NEDD4L: variants seen among roughly 807,000 people sequenced by gnomAD.
NEDD4L encodes the protein NEDD4 like E3 ubiquitin protein ligase, also known as E3 ubiquitin-protein ligase NEDD4-like.
NEDD4L carries 54 observed loss-of-function variants against 148.9 expected under a neutral mutation model. The observed-to-expected ratio is 0.36, with a 90% CI of 0.29 to 0.45. The LOEUF (loss-of-function observed/expected upper bound fraction) is 0.45, where lower values mean the gene tolerates loss of function less well. NEDD4L is among the 20% of genes least tolerant of loss of function. The pLI is 1.00. For synonymous variants in NEDD4L, 433 were observed against 440.7 expected, an observed-to-expected ratio of 0.98 and a Z score of 0.22; for missense variants, 856 against 1,233.8, an observed-to-expected ratio of 0.69 and a Z score of 4.59.
chr18:58,180,463 C>G (rs996312384), intron 2 of NEDD4L, among the ~76,000 whole-genome samples: 1 of 152,204 alleles, frequency 6.6e-6, no homozygotes, highest in Non-Finnish European at 1.5e-5. Context: ...CCCACATCGG[C>G]CCAGGGGCGT....
At chr18:58,214,639 GTGTGTTT>G (rs1818268594) in intron 2 of NEDD4L, among the ~76,000 whole-genome samples, 1 of 135,494 alleles carries the variant, frequency 7.4e-6, no homozygotes, top group African/African-American at 2.6e-5. Context: ...GTGTGTGTGT[GTGTGTTT>G]TGTTGTTGTT....
Position 58,082,121 on chromosome 18 carries a change from T to C in NEDD4L, c.48+37413T>C, listed in dbSNP as rs1429105450. Among the ~76,000 whole-genome samples the C allele has an allele frequency of 4.4e-5, 6 of 137,570 alleles. No homozygotes were observed. In the South Asian group the frequency reaches 1.6e-3, roughly 36 times the overall value. The allele number at this position is 137,570 out of a possible 152,430, so 90.3% of individuals were successfully genotyped here. On this transcript the variant is annotated intron_variant, in intron 1 of 30. Coordinates refer to ENST00000400345, the MANE Select transcript of NEDD4L (RefSeq NM_001144967.3). ...ATATATATTTTTTTTTTTTTTTTTT[T>C]CTTGAGATGGAGTCTTGCTCTTGTC...
Position 58,396,212 on chromosome 18 carries a change from A to C in NEDD4L, c.2871A>C (p.Leu957Phe), listed in dbSNP as rs1235646670. 6.2e-7 allele frequency: 1 copy of C among 1,613,724 alleles called. No homozygotes were observed. The highest frequency in any genetic ancestry group is 1.1e-5 in the South Asian group (1 of 90,990). ...CTCCATATGAAACCTTTGAAGATTT[A>C]CGAGAGAAACTTCTCATGGCCGTGG... ...DLPPYETFED[L>F]REKLLMAVEN... The change falls in exon 31 of 31, where the codon TTA becomes TTC. Residue 957 changes from leucine to phenylalanine, a missense_variant. Around this residue, in one of 4 missense-constraint regions of NEDD4L, gnomAD observed 286 missense variants for 531.8 expected, o/e 0.54. Coordinates refer to ENST00000400345, the MANE Select transcript of NEDD4L (RefSeq NM_001144967.3).
intron 19 of NEDD4L, among the ~76,000 whole-genome samples, chr18:58,361,559 C>T (rs913733213): frequency 1.3e-4 from 20 of 152,196 alleles, no homozygotes; most frequent in African/African-American, 4.8e-4. Flanking sequence ...CTGTTGCTGA[C>T]AGTCCTTGCA....
chr18:58,309,422 G>A (rs1164087868), intron 5 of NEDD4L, among the ~76,000 whole-genome samples: 2 of 152,150 alleles, frequency 1.3e-5, no homozygotes, highest in African/African-American at 4.8e-5. Context: ...CCCCTGCTAC[G>A]TGGCAGAACT....
chr18:58,083,975 C>T (rs2083611152), intron 1 of NEDD4L, among the ~76,000 whole-genome samples: 1 of 152,228 alleles, frequency 6.6e-6, no homozygotes, highest in East Asian at 1.9e-4. Flanking sequence ...AGGTGATCCA[C>T]CTGCCTCAGC....
At chr18:58,255,327 A>G (rs1600291599) in intron 5 of NEDD4L, 1 of 256,086 alleles carries the variant, frequency 3.9e-6, no homozygotes, top group East Asian at 8.3e-5. Flanking sequence ...AAAAAAAAAA[A>G]AAAGAGCGAG....
At chr18:58,187,802 A>C (rs1007115894) in intron 2 of NEDD4L, among the ~76,000 whole-genome samples, 2 of 152,074 alleles carry the variant, frequency 1.3e-5, no homozygotes. Flanking sequence ...ACATCAGAAA[A>C]TCCTCACCAC....
chr18:58,062,347 T>G (rs1037724390), intron 1 of NEDD4L, among the ~76,000 whole-genome samples: 1 of 152,130 alleles, frequency 6.6e-6, no homozygotes, highest in African/African-American at 2.4e-5. Flanking sequence ...GGAGCTTGTT[T>G]GCTGCACCTT....
At chr18:58,395,368 T>C (rs567639243) in intron 30 of NEDD4L, among the ~76,000 whole-genome samples, 1 of 152,278 alleles carries the variant, frequency 6.6e-6, no homozygotes, top group Non-Finnish European at 1.5e-5. Flanking sequence ...CCTTGCTGTA[T>C]GCCGGGCCCA....
At chr18:58,255,961 C>T (rs1000425094) in intron 5 of NEDD4L, 71 of 1,230,986 alleles carry the variant, frequency 5.8e-5, no homozygotes, top group Non-Finnish European at 7.0e-5. Context: ...CGGACGGGTG[C>T]GGGCCGCCCG....
chr18:58,200,354 C>T (rs543048229), intron 2 of NEDD4L, among the ~76,000 whole-genome samples: 23 of 151,964 alleles, frequency 1.5e-4, no homozygotes, highest in Middle Eastern at 3.4e-3. Context: ...ACTGGAAGTG[C>T]TACCAGCAAT....
intron 1 of NEDD4L, among the ~76,000 whole-genome samples, chr18:58,153,506 A>T (rs2146351119): frequency 6.6e-6 from 1 of 150,938 alleles, no homozygotes; most frequent in East Asian, 2.0e-4. Flanking sequence ...GGCCCAGCTA[A>T]TTTTTCTATT....
Position 58,366,305 on chromosome 18 carries a change from C to T in NEDD4L, c.2063+77C>T. 1 of 1,095,264 alleles carries T rather than the reference C, an allele frequency of 9.1e-7. No homozygotes were observed. The highest frequency in any genetic ancestry group is 1.3e-6 in the Non-Finnish European group (1 of 775,316). 67.8% of individuals were successfully genotyped at this position (1,095,264 alleles called of 1,614,324 possible). On this transcript the variant is annotated intron_variant, in intron 21 of 30. Transcript: ENST00000400345. The surrounding 1 kb of genome is among the most constrained non-coding windows in gnomAD (Gnocchi z 4.2). ...AATTTAAACAGAATGAAAGGATAAG[C>T]AGCTCATGAGTTCGAGATGCATTAA... is the stretch of plus-strand genomic sequence containing the variant.
At chr18:58,274,388 C>T (rs907820689) in intron 5 of NEDD4L, among the ~76,000 whole-genome samples, 3 of 152,188 alleles carry the variant, frequency 2.0e-5, no homozygotes, top group Non-Finnish European at 4.4e-5. Context: ...TGTACGTGAG[C>T]TCCCTGGAGT....
chr18:58,390,572 T>C (rs921978894), intron 28 of NEDD4L, 74 bp from the exon 29 acceptor site: 16 of 904,528 alleles, frequency 1.8e-5, no homozygotes, highest in Non-Finnish European at 2.5e-5. Flanking sequence ...GATTAAGTTC[T>C]GCCTGCCTGC....
intron 13 of NEDD4L, among the ~76,000 whole-genome samples, chr18:58,336,259 A>G (rs1317358219): frequency 6.6e-6 from 1 of 152,174 alleles, no homozygotes; most frequent in Non-Finnish European, 1.5e-5. Context: ...CTTATAGTTT[A>G]TGCTTCGCAC....
At chr18:58,129,171 G>A (rs2031645825) in intron 1 of NEDD4L, among the ~76,000 whole-genome samples, 1 of 152,254 alleles carries the variant, frequency 6.6e-6, no homozygotes, top group Admixed American at 6.5e-5. Flanking sequence ...TGCCCAGCCA[G>A]TTGCCCGTGC....
intron 2 of NEDD4L, chr18:58,195,582 T>A (rs1209858532): frequency 7.5e-7 from 1 of 1,340,150 alleles, no homozygotes; most frequent in Non-Finnish European, 9.8e-7. Flanking sequence ...CACCTCCCAC[T>A]CCAGGCTGTT....
Sources: allele counts gnomAD v4.1 joint callset (sites outside exome capture counted in the v4.1 genomes callset), GRCh38; gene constraint gnomAD v4.1.1; regional missense constraint gnomAD v4.1.1; non-coding constraint Gnocchi (gnomAD v3.1); transcripts MANE v1.5; gene names NCBI Gene and HGNC (gene_info 2026-07-23, HGNC 2026-07-21).